The following HELZ variants were observed in gnomAD, a reference collection of about 807,000 sequenced individuals.
The protein encoded by HELZ is ATP-dependent RNA helicase with zinc finger domain.
Under a neutral mutation model 218.2 loss-of-function variants are expected in HELZ, and 23 were observed. That is an observed-to-expected ratio of 0.11 (90% CI 0.08 to 0.15). The LOEUF (loss-of-function observed/expected upper bound fraction) is 0.15, where lower values mean the gene tolerates loss of function less well. Ranked by LOEUF, HELZ falls within the 10% of genes least tolerant of loss-of-function variation. The pLI, the probability that HELZ is intolerant of heterozygous loss-of-function variation, is 1.00. For missense variants in HELZ, 1,813 were observed against 2,353.7 expected (o/e 0.77, Z 4.75); for synonymous variants, 814 against 829.4 (o/e 0.98, Z 0.32).
chr17:67,188,310 A>AT lies in HELZ; in HGVS notation c.1162+8_1162+9insA. On this transcript the variant is annotated intron_variant, in intron 12 of 32. Transcript: ENST00000358691. This position sits in a 1 kb window ranked among gnomAD's most constrained non-coding sequence, Gnocchi z 4.1. ...ACATTGTATCGGGGGAAAAAAGTCTAAATATTACCTTCTGTAGAAGCTGCA... is the reference window on the plus strand; with the variant it reads ...ACATTGTATCGGGGGAAAAAAGTCTATAATATTACCTTCTGTAGAAGCTGCA... 6.3e-7 allele frequency: 1 copy of AT among 1,599,028 alleles called. No homozygotes were observed. The highest frequency in any genetic ancestry group is 8.5e-7 in the Non-Finnish European group (1 of 1,170,506).
chr17:67,107,776 C>T, intron 30 of HELZ, 91 bp from the exon 31 acceptor site: 1 of 1,150,006 alleles, frequency 8.7e-7, no homozygotes, highest in East Asian at 2.4e-5. Flanking sequence ...TTTCAACAAA[C>T]AAAATCATAG....
In HELZ at chr17:67,109,289, C is replaced by A; in HGVS notation, c.4316G>T (p.Arg1439Leu). Residue 1439 changes from arginine (R) to leucine (L), a missense_variant, in exon 29 of 33, where the codon CGG (arginine) becomes CTG (leucine). Around this residue, in one of 4 missense-constraint regions of HELZ, gnomAD observed 938 missense variants for 1,027.5 expected, o/e 0.91. Coordinates refer to ENST00000358691, the MANE Select transcript of HELZ (RefSeq NM_014877.4). ...AGCTTCTGCAGGAGGAGACTGTGGC[C>A]GATGAGCAACTGCACTATTAAAAAA... The part of the protein sequence containing the change: ...NAFFNSAVAH[R>L]PQSPPAEAVI... The A allele has an allele frequency of 6.2e-7, 1 of 1,613,986 alleles. No individual in the cohort carries two copies. The highest frequency in any genetic ancestry group is 1.1e-5 in the South Asian group (1 of 91,066).
chr17:67,152,592 G>C (rs1215043902), intron 17 of HELZ, among the ~76,000 whole-genome samples: 1 of 151,932 alleles, frequency 6.6e-6, no homozygotes, highest in Non-Finnish European at 1.5e-5. Flanking sequence ...ATTTGGGGTG[G>C]GAATTCAGAA....
chr17:67,226,744 C>G (rs1217076752), intron 3 of HELZ, among the ~76,000 whole-genome samples: 1 of 152,130 alleles, frequency 6.6e-6, no homozygotes, highest in Non-Finnish European at 1.5e-5. Flanking sequence ...GGAAACAACT[C>G]AAACGTCCTT....
intron 5 of HELZ, 101 bp from the exon 6 acceptor site, chr17:67,203,544 C>T (rs989746434): frequency 1.9e-5 from 26 of 1,355,034 alleles, no homozygotes; most frequent in Non-Finnish European, 2.4e-5. Flanking sequence ...TTTTTATATG[C>T]TAAAAGAGTA....
intron 14 of HELZ, 80 bp from the exon 15 acceptor site, chr17:67,166,688 G>C: frequency 8.1e-7 from 1 of 1,237,504 alleles, no homozygotes; most frequent in Non-Finnish European, 1.2e-6. Flanking sequence ...ACTTTGGGAG[G>C]AATCTGTTTG....
chr17:67,119,488 A>C (rs1161290135), intron 27 of HELZ, among the ~76,000 whole-genome samples: 1 of 151,318 alleles, frequency 6.6e-6, no homozygotes, highest in Non-Finnish European at 1.5e-5. Flanking sequence ...ATGGGATTGC[A>C]AAGGGTGGAA....
intron 20 of HELZ, among the ~76,000 whole-genome samples, chr17:67,147,307 G>C (rs548046027): frequency 6.6e-6 from 1 of 152,194 alleles, no homozygotes; most frequent in Admixed American, 6.5e-5. Context: ...TAGATATATA[G>C]ATAGATATAT....
chr17:67,096,289 A>G (rs1329268871), intron 31 of HELZ, among the ~76,000 whole-genome samples: 1 of 152,200 alleles, frequency 6.6e-6, no homozygotes, highest in Non-Finnish European at 1.5e-5. Flanking sequence ...CATTCTTCAA[A>G]GCCTTAGGAT....
chr17:67,116,208 A>AT, intron 27 of HELZ, among the ~76,000 whole-genome samples: 1 of 151,994 alleles, frequency 6.6e-6, no homozygotes, highest in African/African-American at 2.4e-5. Context: ...AAAAGGAGTC[A>AT]TTAAAAAAAA....
chr17:67,134,430 G>A (rs1197281562), intron 23 of HELZ, among the ~76,000 whole-genome samples: 1 of 151,448 alleles, frequency 6.6e-6, no homozygotes, highest in Non-Finnish European at 1.5e-5. Flanking sequence ...TGTCATTAGT[G>A]ACTACAAATG....
At position 67,196,776 on chromosome 17, in the gene HELZ, T is replaced by C. The variant is rs554952819; in HGVS notation, c.430-1306A>G. 9.5e-4 allele frequency among the ~76,000 whole-genome samples: 144 copies of C among 152,270 alleles called. 2 individuals are homozygous for C. Among genetic ancestry groups the C allele is most frequent in the Admixed American group, 7.5e-3 (114 of 15,290 alleles). ...AAAGTTGATCCTTCTTCAGTGCTCC[T>C]TATCACAAGTTAATGGATTCTTCTT... On this transcript the variant is annotated intron_variant, in intron 7 of 32. Coordinates refer to ENST00000358691, the MANE Select transcript of HELZ (RefSeq NM_014877.4).
intron 7 of HELZ, 185 bp downstream of exon 7, chr17:67,200,944 C>G: frequency 1.7e-6 from 1 of 582,450 alleles, no homozygotes; most frequent in East Asian, 2.8e-5. Flanking sequence ...TGTGGAGAAG[C>G]AGCATTCCCA....
Position 67,195,273 on chromosome 17 carries a change from C to T in HELZ, c.481+146G>A, listed in dbSNP as rs3213752. Reference sequence around the variant, plus strand: ...CCAGGGAGAAAATTGCTTTCAACTACACCTACTTCTTAAAATTAAAATCTT... The same window carrying T: ...CCAGGGAGAAAATTGCTTTCAACTATACCTACTTCTTAAAATTAAAATCTT... On this transcript the variant is annotated intron_variant, in intron 8 of 32. Transcript: ENST00000358691. 2.6e-3 allele frequency: 1,335 copies of T among 514,782 alleles called. 35 individuals are homozygous for T. The East Asian group carries it at 0.036, about 14-fold the overall frequency. The allele number at this position is 514,782 out of a possible 1,614,324, so 31.9% of individuals were successfully genotyped here.
chr17:67,109,670 T>C lies in HELZ; in HGVS notation c.3935A>G (p.Asn1312Ser). The change falls in exon 29 of 33, where the codon AAT becomes AGT. Residue 1312 changes from asparagine to serine, a missense_variant. Coordinates refer to ENST00000358691, the MANE Select transcript of HELZ (RefSeq NM_014877.4). ...TGATTCAGGACTTCTGTTCTGTGGA[T>C]TTGATTCCAAATCAACCTAGAAAAA... is the stretch of plus-strand genomic sequence containing the variant. ...TEPKQVDLES[N>S]PQNRSPESRP... is the part of the protein sequence containing the mutation. The C allele has an allele frequency of 1.2e-6, 2 of 1,603,562 alleles. No homozygotes were observed. Among genetic ancestry groups the C allele is most frequent in the South Asian group, 2.2e-5 (2 of 89,730 alleles).
chr17:67,214,102 T>C (rs980525927), intron 5 of HELZ, among the ~76,000 whole-genome samples: 1 of 152,158 alleles, frequency 6.6e-6, no homozygotes, highest in African/African-American at 2.4e-5. Flanking sequence ...TGTTTGCTCA[T>C]TGTAATTTTA....
At chr17:67,092,034 A>G (rs879675550) in intron 31 of HELZ, among the ~76,000 whole-genome samples, 2 of 152,206 alleles carry the variant, frequency 1.3e-5, no homozygotes, top group Non-Finnish European at 2.9e-5. Flanking sequence ...AACAAGCCAG[A>G]TAACGTGTGA....
intron 13 of HELZ, among the ~76,000 whole-genome samples, chr17:67,170,479 A>G (rs1173568549): frequency 2.0e-5 from 3 of 152,092 alleles, no homozygotes; most frequent in African/African-American, 7.2e-5. Flanking sequence ...GCGCCACTGC[A>G]CTCCAGCCTG....
intron 9 of HELZ, among the ~76,000 whole-genome samples, chr17:67,191,877 A>G (rs2039906201): frequency 6.6e-6 from 1 of 151,978 alleles, no homozygotes; most frequent in African/African-American, 2.4e-5. Flanking sequence ...TTGATAAAAG[A>G]TCTTCTGAGA....
Sources: gnomAD v4.1 joint callset for allele counts (sites outside exome capture counted in the v4.1 genomes callset) on GRCh38, gnomAD v4.1.1 for gene constraint, gnomAD v4.1.1 regional missense constraint, Gnocchi (gnomAD v3.1) non-coding constraint, MANE v1.5 for transcripts, NCBI Gene and HGNC (gene_info 2026-07-23, HGNC 2026-07-21) for gene names.